The following SUSD6 variants were observed in gnomAD, a reference collection of about 807,000 sequenced individuals.
SUSD6 encodes sushi domain-containing protein 6.
In SUSD6, 16 loss-of-function variants were observed where a neutral mutation model predicts 28.4. The ratio of observed to expected loss-of-function variants is 0.56; its 90% CI spans 0.38 to 0.86. SUSD6 has a LOEUF of 0.86. SUSD6 is among the 40% of genes least tolerant of loss of function. The pLI is 0.00. For missense variants in SUSD6, 341 were observed against 384.2 expected (o/e 0.89, Z 0.94); for synonymous variants, 147 against 159.6 (o/e 0.92, Z 0.59).
intron 5 of SUSD6, among the ~76,000 whole-genome samples, chr14:69,710,039 G>T (rs762299270): frequency 2.0e-5 from 3 of 152,210 alleles, no homozygotes; most frequent in Non-Finnish European, 4.4e-5. Context: ...TCATGTTTAT[G>T]GAGCTTCCTG....
chr14:69,662,270 A>G (rs1418564512), intron 2 of SUSD6, among the ~76,000 whole-genome samples: 2 of 152,186 alleles, frequency 1.3e-5, no homozygotes, highest in Non-Finnish European at 2.9e-5. Flanking sequence ...GTAACTGGGC[A>G]TCCTCTGGAG....
chr14:69,666,913 CAG>C (rs1885750596), intron 2 of SUSD6, among the ~76,000 whole-genome samples: 1 of 152,010 alleles, frequency 6.6e-6, no homozygotes. Context: ...CAAGTAAAAA[CAG>C]GGCTATAAAA....
chr14:69,711,537 A>T lies in SUSD6; in HGVS notation c.*558A>T, dbSNP rs1886463141. ...CAGGTGTGAGAGCTCTTGAGTCAAG[A>T]GTGGCAGAAGTGGCTCTAATTGGGG... On this transcript the variant is annotated 3_prime_UTR_variant, in exon 6 of 6. Coordinates refer to ENST00000342745, the MANE Select transcript of SUSD6 (RefSeq NM_014734.4). The T allele has an allele frequency of 6.5e-6, 1 of 153,166 alleles. No individual in the cohort carries two copies. Among genetic ancestry groups the T allele is most frequent in the Admixed American group, 6.5e-5 (1 of 15,382 alleles). 9.5% of individuals were successfully genotyped at this position (153,166 alleles called of 1,614,324 possible).
In SUSD6 at chr14:69,690,848, C is replaced by T. The variant is rs533532588; in HGVS notation, c.122-12547C>T. ...CACAGTGAGTACAGAGTTCCTTAGG[C>T]TTGTTGGTTTAGAGGCAATAGAGAT... is the stretch of plus-strand genomic sequence containing the variant. On this transcript the variant is annotated intron_variant, in intron 2 of 5. Coordinates refer to ENST00000342745, the MANE Select transcript of SUSD6 (RefSeq NM_014734.4). Among the ~76,000 whole-genome samples, 25 of 152,334 alleles carry T rather than the reference C, an allele frequency of 1.6e-4. No homozygotes were observed. The South Asian group carries it at 4.8e-3, about 29-fold the overall frequency.
intron 3 of SUSD6, chr14:69,703,873 T>C: frequency 2.0e-6 from 1 of 508,978 alleles, no homozygotes; most frequent in Non-Finnish European, 3.6e-6. Context: ...TTGGTGACCC[T>C]TGACCATGTT....
chr14:69,688,454 A>T (rs1285758920), intron 2 of SUSD6, among the ~76,000 whole-genome samples: 1 of 152,106 alleles, frequency 6.6e-6, no homozygotes, highest in Non-Finnish European at 1.5e-5. Context: ...AGGACCTGTG[A>T]CCCCAGCTGT....
In SUSD6 at chr14:69,711,187, G is replaced by A; in HGVS notation, c.*208G>A. The A allele has an allele frequency of 1.7e-6, 1 of 583,524 alleles. No individual in the cohort carries two copies. The highest frequency in any genetic ancestry group is 3.1e-6 in the Non-Finnish European group (1 of 326,996). The allele number at this position is 583,524 out of a possible 1,614,324, so 36.1% of individuals were successfully genotyped here. On this transcript the variant is annotated 3_prime_UTR_variant, in exon 6 of 6. Coordinates refer to ENST00000342745, the MANE Select transcript of SUSD6 (RefSeq NM_014734.4). ...CCATCTGCCTGTTGGACAGCTGGAG[G>A]AGCTGGCTCTTTGCCTGGCCCCGCC...
intron 2 of SUSD6, among the ~76,000 whole-genome samples, chr14:69,692,365 C>T (rs545116271): frequency 1.3e-5 from 2 of 152,138 alleles, no homozygotes; most frequent in Non-Finnish European, 2.9e-5. Context: ...TTTCTGGTGG[C>T]ATCAGAAAAA....
chr14:69,696,303 T>A (rs1455017740), intron 2 of SUSD6, among the ~76,000 whole-genome samples: 1 of 152,244 alleles, frequency 6.6e-6, no homozygotes, highest in African/African-American at 2.4e-5. Context: ...TAGTACCTGC[T>A]TCATGTAGAG....
intron 2 of SUSD6, among the ~76,000 whole-genome samples, chr14:69,669,894 G>A (rs1282620486): frequency 2.0e-5 from 3 of 152,224 alleles, no homozygotes; most frequent in Non-Finnish European, 2.9e-5. Flanking sequence ...CTAGGAGCAG[G>A]ATTCCAACTC....
intron 2 of SUSD6, among the ~76,000 whole-genome samples, chr14:69,693,704 A>G (rs1476405035): frequency 6.6e-6 from 1 of 152,232 alleles, no homozygotes; most frequent in East Asian, 1.9e-4. Flanking sequence ...TCTTCTAAAA[A>G]AACCTGTGGA....
chr14:69,670,183 G>A (rs1016932109), intron 2 of SUSD6, among the ~76,000 whole-genome samples: 4 of 152,214 alleles, frequency 2.6e-5, no homozygotes, highest in African/African-American at 9.6e-5. Context: ...TGGGGATGAG[G>A]TACTAGGCTG....
chr14:69,685,861 C>G (rs1886065449), intron 2 of SUSD6, among the ~76,000 whole-genome samples: 1 of 152,160 alleles, frequency 6.6e-6, no homozygotes, highest in South Asian at 2.1e-4. Flanking sequence ...CCCCGATTGC[C>G]TTTGTGTAAT....
At chr14:69,629,431 C>T (rs1176683362) in intron 1 of SUSD6, among the ~76,000 whole-genome samples, 2 of 152,158 alleles carry the variant, frequency 1.3e-5, no homozygotes, top group Non-Finnish European at 2.9e-5. Flanking sequence ...TCAGCAAAGG[C>T]AACATTATCT....
Position 69,703,486 on chromosome 14 carries a change from A to G in SUSD6, c.213A>G (p.Glu71=). The G allele has an allele frequency of 6.2e-7, 1 of 1,614,216 alleles. No homozygotes were observed. Among genetic ancestry groups the G allele is most frequent in the East Asian group, 2.2e-5 (1 of 44,890 alleles). Residue 71 remains glutamate, a synonymous_variant, in exon 3 of 6, where the codon GAA becomes GAG. Coordinates refer to ENST00000342745, the MANE Select transcript of SUSD6 (RefSeq NM_014734.4). ...RDPLTAGSVI[E]YLCAEGYMLK... is the part of the protein sequence containing the mutation. ...CCCTGACAGCAGGCAGTGTCATCGA[A>G]TACCTGTGTGCTGAAGGCTACATGT... is the stretch of plus-strand genomic sequence containing the variant.
At chr14:69,656,075 T>G (rs1885578027) in intron 1 of SUSD6, among the ~76,000 whole-genome samples, 1 of 151,882 alleles carries the variant, frequency 6.6e-6, no homozygotes, top group Admixed American at 6.6e-5. Flanking sequence ...TGCTTCCTTT[T>G]TTTTTTCTTT....
chr14:69,619,198 G>A (rs1475920829), intron 1 of SUSD6, among the ~76,000 whole-genome samples: 1 of 152,122 alleles, frequency 6.6e-6, no homozygotes, highest in African/African-American at 2.4e-5. Context: ...ATATTTTTGG[G>A]AACAAATTCA....
intron 2 of SUSD6, among the ~76,000 whole-genome samples, chr14:69,680,385 G>C (rs1271271595): frequency 1.3e-5 from 2 of 152,114 alleles, no homozygotes; most frequent in African/African-American, 4.8e-5. Context: ...TTACATTGCT[G>C]ACATCCAAGG....
chr14:69,637,892 T>A (rs142333967), intron 1 of SUSD6, among the ~76,000 whole-genome samples: 1 of 152,012 alleles, frequency 6.6e-6, no homozygotes, highest in Non-Finnish European at 1.5e-5. Flanking sequence ...CATGACAGAG[T>A]CCAGCCCCCC....
Sources: gnomAD v4.1 joint callset for allele counts (sites outside exome capture counted in the v4.1 genomes callset) on GRCh38, gnomAD v4.1.1 for gene constraint, MANE v1.5 for transcripts, NCBI Gene and HGNC (gene_info 2026-07-23, HGNC 2026-07-21) for gene names.